Variants in TSGA10 observed in about 807,000 individuals in gnomAD.
TSGA10 encodes the protein testis specific 10.
In TSGA10, 43 loss-of-function variants were observed where a neutral mutation model predicts 96.6. The ratio of observed to expected loss-of-function variants is 0.44; its 90% CI spans 0.35 to 0.57. The LOEUF is 0.57. TSGA10 is among the 20% of genes least tolerant of loss of function. The pLI is 0.01. For synonymous variants in TSGA10, 229 were observed against 269.9 expected, an observed-to-expected ratio of 0.85 and a Z score of 1.48; for missense variants, 703 against 834.4, an observed-to-expected ratio of 0.84 and a Z score of 1.94.
At chr2:99,087,680 A>C (rs1344540827) in intron 10 of TSGA10, among the ~76,000 whole-genome samples, 2 of 152,170 alleles carry the variant, frequency 1.3e-5, no homozygotes, top group African/African-American at 4.8e-5. Context: ...GGAATAAGAC[A>C]GTGTCTCTAG....
chr2:99,093,029 C>T (rs2089542438), intron 10 of TSGA10, among the ~76,000 whole-genome samples: 1 of 152,112 alleles, frequency 6.6e-6, no homozygotes, highest in South Asian at 2.1e-4. Flanking sequence ...CCAAATCCAA[C>T]AGCATATCAA....
chr2:99,105,407 CT>C lies in TSGA10; in HGVS notation c.410del (p.Lys137ArgfsTer8). 1.2e-6 allele frequency: 2 copies of C among 1,612,618 alleles called. No individual in the cohort carries two copies. The highest frequency in any genetic ancestry group is 1.7e-6 in the Non-Finnish European group (2 of 1,179,852). ...KIAQETAFNE[K>X]AHLEQRIEEL... ...CCTCTATCCTTTGTTCCAGGTGAGC[CT>C]TCTCATTAAATGCTGTCTCTTGAGC... On this transcript the variant is annotated frameshift_variant, in exon 9 of 21. Coordinates refer to ENST00000393483, the MANE Select transcript of TSGA10 (RefSeq NM_025244.4). LOFTEE classifies it high-confidence loss of function.
At chr2:99,024,378 G>A (rs185874714) in intron 17 of TSGA10, among the ~76,000 whole-genome samples, 111 of 152,208 alleles carry the variant, frequency 7.3e-4, no homozygotes, top group Non-Finnish European at 1.3e-3. Flanking sequence ...ATAAGCCACC[G>A]CGTCTGGCCG....
At position 99,071,822 on chromosome 2, in the gene TSGA10, G is replaced by A. The variant is rs1167858807; in HGVS notation, c.991C>T (p.Arg331Trp). Residue 331 changes from arginine to tryptophan, a missense_variant, in exon 14 of 21, where the codon CGG (arginine) becomes TGG (tryptophan). This residue lies in a region of TSGA10 where 585 missense variants were observed against 656.8 expected (regional missense o/e 0.89). Transcript: ENST00000393483. ...VCEQDVSRMR[R>W]QLDETNDELA... ...TCATCATTTGTCTCATCCAATTGCC[G>A]ACGCATTCTGGAAACGTCTTGTTCA... 19 of 1,613,836 alleles carry A rather than the reference G, an allele frequency of 1.2e-5. No individual in the cohort carries two copies. Among genetic ancestry groups the A allele is most frequent in the East Asian group, 2.2e-5 (1 of 44,866 alleles).
chr2:99,120,009 T>A (rs560546389), intron 2 of TSGA10, among the ~76,000 whole-genome samples: 1 of 152,308 alleles, frequency 6.6e-6, no homozygotes, highest in East Asian at 1.9e-4. Context: ...TTGGTGCTTC[T>A]CCTTTCCAGT....
At chr2:99,141,211 C>T in intron 1 of TSGA10, 1 of 1,130,770 alleles carries the variant, frequency 8.8e-7, no homozygotes, top group Non-Finnish European at 1.1e-6. Context: ...CCGCCCCTTT[C>T]TCCTCCCTTC....
At chr2:99,046,040 G>T (rs1442073104) in intron 16 of TSGA10, among the ~76,000 whole-genome samples, 2 of 152,138 alleles carry the variant, frequency 1.3e-5, no homozygotes, top group Non-Finnish European at 2.9e-5. Context: ...AAATATATAT[G>T]TACCCAATAC....
intron 20 of TSGA10, among the ~76,000 whole-genome samples, chr2:99,009,233 A>G (rs537210657): frequency 1.1e-4 from 17 of 152,328 alleles, no homozygotes; most frequent in Non-Finnish European, 2.2e-4. Context: ...ATGGAAAAAA[A>G]TTAATCCAAA....
chr2:99,095,858 C>G (rs927964131), intron 10 of TSGA10, among the ~76,000 whole-genome samples: 2 of 152,172 alleles, frequency 1.3e-5, no homozygotes, highest in African/African-American at 4.8e-5. Context: ...CCAGGCTGGT[C>G]TCAATCTCCT....
intron 20 of TSGA10, among the ~76,000 whole-genome samples, chr2:99,011,520 T>A (rs2079009122): frequency 6.6e-6 from 1 of 152,160 alleles, no homozygotes; most frequent in Non-Finnish European, 1.5e-5. Flanking sequence ...TTTGGGATTA[T>A]GTTAAATGGC....
chr2:99,140,216 T>A (rs1253992892), intron 1 of TSGA10, among the ~76,000 whole-genome samples: 2 of 152,316 alleles, frequency 1.3e-5, no homozygotes, highest in East Asian at 3.9e-4. Context: ...GGCTCATTAA[T>A]CAATTAAAAT....
At chr2:99,063,646 CA>C (rs541060558) in intron 16 of TSGA10, among the ~76,000 whole-genome samples, 25 of 146,450 alleles carry the variant, frequency 1.7e-4, no homozygotes, top group African/African-American at 4.5e-4. Context: ...CTACTAAATA[CA>C]AAAAAAAAAC....
At chr2:99,070,931 T>A (rs574504540) in intron 14 of TSGA10, among the ~76,000 whole-genome samples, 119 of 152,306 alleles carry the variant, frequency 7.8e-4, no homozygotes, top group African/African-American at 2.6e-3. Flanking sequence ...TTTCCTTTTT[T>A]ACATAATGTC....
intron 18 of TSGA10, 71 bp downstream of exon 18, chr2:99,020,209 G>C (rs866304846): frequency 1.5e-6 from 2 of 1,335,758 alleles, no homozygotes; most frequent in South Asian, 1.3e-5. Context: ...CTAAATTCTA[G>C]CTTAAAATTT....
chr2:99,019,930 CA>C, intron 18 of TSGA10, among the ~76,000 whole-genome samples: 1 of 152,064 alleles, frequency 6.6e-6, no homozygotes, highest in African/African-American at 2.4e-5. Context: ...TATGATGTGG[CA>C]AATGCAAACA....
chr2:99,149,373 C>A (rs1223306076), intron 1 of TSGA10, among the ~76,000 whole-genome samples: 1 of 151,880 alleles, frequency 6.6e-6, no homozygotes, highest in African/African-American at 2.4e-5. Flanking sequence ...TCTTTGAAAG[C>A]GAAACCCTAA....
chr2:99,076,049 T>C (rs2086666856), intron 12 of TSGA10, among the ~76,000 whole-genome samples: 1 of 152,092 alleles, frequency 6.6e-6, no homozygotes, highest in Non-Finnish European at 1.5e-5. Flanking sequence ...TTAACTTTAA[T>C]TAAATTTTCC....
At chr2:99,137,093 G>T (rs538398136) in intron 1 of TSGA10, among the ~76,000 whole-genome samples, 5 of 149,996 alleles carry the variant, frequency 3.3e-5, no homozygotes, top group African/African-American at 1.2e-4. Flanking sequence ...CCACCTCCCA[G>T]GTTCAAGCAA....
intron 16 of TSGA10, among the ~76,000 whole-genome samples, chr2:99,043,338 T>C (rs946802840): frequency 6.6e-6 from 1 of 151,890 alleles, no homozygotes; most frequent in African/African-American, 2.4e-5. Context: ...ATTATGCAAT[T>C]TGATGAAGAA....
Sources: allele counts gnomAD v4.1 joint callset (sites outside exome capture counted in the v4.1 genomes callset), GRCh38; gene constraint gnomAD v4.1.1; regional missense constraint gnomAD v4.1.1; transcripts MANE v1.5; gene names NCBI Gene and HGNC (gene_info 2026-07-23, HGNC 2026-07-21).